Variants in LRMDA observed in about 807,000 individuals in gnomAD.
LRMDA encodes the protein leucine-rich melanocyte differentiation-associated protein.
Under a neutral mutation model 29.8 loss-of-function variants are expected in LRMDA, and 18 were observed. That is an observed-to-expected ratio of 0.60 (90% confidence interval 0.42 to 0.90). The LOEUF is 0.90. LRMDA is among the 40% of genes least tolerant of loss of function. The pLI is 0.00. For synonymous variants in LRMDA, 125 were observed against 109.4 expected (o/e 1.14, Z -0.89); for missense variants, 273 against 273.9 (o/e 1.00, Z 0.02).
chr10:76,099,613 T>C (rs1290357074), intron 5 of LRMDA, among the ~76,000 whole-genome samples: 1 of 151,606 alleles, frequency 6.6e-6, no homozygotes, highest in African/African-American at 2.4e-5. Flanking sequence ...AAAATATATT[T>C]TCCACATTGC....
At chr10:76,009,157 A>ATGAGC (rs1847727428) in intron 2 of LRMDA, among the ~76,000 whole-genome samples, 1 of 152,066 alleles carries the variant, frequency 6.6e-6, no homozygotes, top group African/African-American at 2.4e-5. Flanking sequence ...AATGACCACC[A>ATGAGC]TGAGCTGATT....
intron 6 of LRMDA, among the ~76,000 whole-genome samples, chr10:76,400,969 A>C (rs959901075): frequency 3.3e-5 from 5 of 152,170 alleles, no homozygotes; most frequent in African/African-American, 1.2e-4. Flanking sequence ...GAGCATCCCC[A>C]GTCTGAAAAT....
chr10:75,548,017 C>T (rs537940874), intron 2 of LRMDA, among the ~76,000 whole-genome samples: 28 of 151,498 alleles, frequency 1.8e-4, no homozygotes, highest in Non-Finnish European at 8.8e-5. Flanking sequence ...GATTGTAAGG[C>T]TTTTCATATT....
At chr10:76,019,409 T>C (rs1432194530) in intron 2 of LRMDA, among the ~76,000 whole-genome samples, 1 of 152,154 alleles carries the variant, frequency 6.6e-6, no homozygotes, top group Admixed American at 6.5e-5. Flanking sequence ...GAATTGGTCA[T>C]GGTGGTTCTT....
intron 2 of LRMDA, among the ~76,000 whole-genome samples, chr10:75,696,722 G>T (rs568174867): frequency 6.6e-6 from 1 of 152,272 alleles, no homozygotes; most frequent in South Asian, 2.1e-4. Context: ...CATAGCATTG[G>T]AGAGGAGCAT....
intron 6 of LRMDA, among the ~76,000 whole-genome samples, chr10:76,462,203 C>CA (rs1466864366): frequency 2.0e-5 from 3 of 151,586 alleles, no homozygotes. Context: ...TCAGAATCTG[C>CA]ATTTTTTTTT....
At chr10:75,851,034 T>C (rs1210593944) in intron 2 of LRMDA, among the ~76,000 whole-genome samples, 1 of 152,160 alleles carries the variant, frequency 6.6e-6, no homozygotes, top group Non-Finnish European at 1.5e-5. Context: ...AAGAGGATCA[T>C]TTTGGTGGTT....
chr10:76,457,251 A>G (rs1842465865), intron 6 of LRMDA, among the ~76,000 whole-genome samples: 1 of 152,192 alleles, frequency 6.6e-6, no homozygotes, highest in Non-Finnish European at 1.5e-5. Context: ...AGTAACGTAT[A>G]GTTGATCTTC....
At chr10:76,117,643 G>A (rs1589334705) in intron 5 of LRMDA, among the ~76,000 whole-genome samples, 1 of 152,180 alleles carries the variant, frequency 6.6e-6, no homozygotes, top group East Asian at 1.9e-4. Flanking sequence ...TGTGGCCTTC[G>A]AGTGAGTTAT....
intron 2 of LRMDA, among the ~76,000 whole-genome samples, chr10:75,900,985 G>T (rs1431457280): frequency 1.3e-5 from 2 of 152,170 alleles, no homozygotes; most frequent in Non-Finnish European, 2.9e-5. Context: ...CCTTGGCTGG[G>T]AGTATTTATT....
chr10:76,400,953 C>T (rs1271781662), intron 6 of LRMDA, among the ~76,000 whole-genome samples: 3 of 152,132 alleles, frequency 2.0e-5, no homozygotes, highest in African/African-American at 7.2e-5. Context: ...TATATGCTTA[C>T]CTGTTGAGCA....
intron 5 of LRMDA, among the ~76,000 whole-genome samples, chr10:76,308,080 T>G (rs1200841378): frequency 6.6e-6 from 1 of 152,146 alleles, no homozygotes; most frequent in Non-Finnish European, 1.5e-5. Flanking sequence ...TTTCTGACAG[T>G]CTCTCTGTAA....
At chr10:76,529,082 C>T (rs1365011422) in intron 6 of LRMDA, among the ~76,000 whole-genome samples, 1 of 152,100 alleles carries the variant, frequency 6.6e-6, no homozygotes, top group Non-Finnish European at 1.5e-5. Flanking sequence ...CCAAGGAGGC[C>T]TCCAGAACCT....
chr10:75,689,315 C>T (rs1202009511), intron 2 of LRMDA, among the ~76,000 whole-genome samples: 1 of 152,192 alleles, frequency 6.6e-6, no homozygotes, highest in Non-Finnish European at 1.5e-5. Context: ...ACTGTTGAAG[C>T]AAAGGGTTTG....
intron 2 of LRMDA, among the ~76,000 whole-genome samples, chr10:76,026,276 C>T (rs1204346217): frequency 2.0e-5 from 3 of 152,218 alleles, no homozygotes; most frequent in Non-Finnish European, 4.4e-5. Flanking sequence ...TTCTGGACCA[C>T]AGCTAGAAAG....
At chr10:75,483,819 G>C (rs1840413194) in intron 2 of LRMDA, among the ~76,000 whole-genome samples, 1 of 139,610 alleles carries the variant, frequency 7.2e-6, no homozygotes. Context: ...TAATTTTTAT[G>C]CTTCTCATTT....
intron 2 of LRMDA, among the ~76,000 whole-genome samples, chr10:75,735,284 C>A (rs1842748016): frequency 6.6e-6 from 1 of 152,074 alleles, no homozygotes. Context: ...TTATAAAAGT[C>A]TTTTGTTTTG....
intron 2 of LRMDA, among the ~76,000 whole-genome samples, chr10:75,583,730 G>A (rs891499951): frequency 4.0e-5 from 6 of 151,814 alleles, no homozygotes; most frequent in South Asian, 2.1e-4. Context: ...TCACCCATCC[G>A]TCAGTTCTCA....
At chr10:75,476,985 T>C (rs1564781127) in intron 2 of LRMDA, among the ~76,000 whole-genome samples, 1 of 151,764 alleles carries the variant, frequency 6.6e-6, no homozygotes, top group East Asian at 1.9e-4. Context: ...TCCTCTTCTT[T>C]TCTCTCTCTC....
Sources: gnomAD v4.1 joint callset for allele counts (sites outside exome capture counted in the v4.1 genomes callset) on GRCh38, gnomAD v4.1.1 for gene constraint, MANE v1.5 for transcripts, NCBI Gene and HGNC (gene_info 2026-07-23, HGNC 2026-07-21) for gene names.